Variants in REDIC1 observed in about 807,000 individuals in gnomAD.
The protein encoded by REDIC1 is regulator of DNA class I crossover intermediates 1, also known as HEI10 Interacting Protein 1.
chr12:39,825,826 C>T, the REDIC1 span, among the ~76,000 whole-genome samples: 2 of 152,242 alleles, frequency 1.3e-5, no homozygotes, highest in South Asian at 4.1e-4. Flanking sequence ...GCTAACTCTA[C>T]AGGCTTACTC....
the REDIC1 span, chr12:39,830,335 C>G: frequency 6.8e-6 from 10 of 1,477,378 alleles, no homozygotes; most frequent in South Asian, 1.1e-4. Flanking sequence ...GTGCAGTAAG[C>G]TTGGGGCCTT....
the REDIC1 span, among the ~76,000 whole-genome samples, chr12:39,792,773 C>G: frequency 1.3e-5 from 2 of 149,368 alleles, no homozygotes; most frequent in Non-Finnish European, 3.0e-5. Flanking sequence ...ATTTAGAACC[C>G]ACTGATATGG....
the REDIC1 span, among the ~76,000 whole-genome samples, chr12:39,699,024 A>G: frequency 1.3e-5 from 2 of 152,266 alleles, no homozygotes; most frequent in African/African-American, 4.8e-5. Context: ...AATGAAGCAA[A>G]CAGTACAAAG....
chr12:39,737,180 T>G, the REDIC1 span, among the ~76,000 whole-genome samples: 1 of 152,206 alleles, frequency 6.6e-6, no homozygotes, highest in Non-Finnish European at 1.5e-5. Flanking sequence ...TTAAATGGAT[T>G]GGAGCACAAC....
At chr12:39,758,138 T>C in the REDIC1 span, 9 of 151,750 alleles carry the variant, frequency 5.9e-5, no homozygotes, top group African/African-American at 2.2e-4. Context: ...GGAAATCAAT[T>C]GTTAAAGCAC....
chr12:39,716,970 A>C, the REDIC1 span: 1 of 534,740 alleles, frequency 1.9e-6, no homozygotes. Flanking sequence ...ATAAACAAAA[A>C]GGTAAAAAAT....
chr12:39,749,630 A>G, the REDIC1 span, among the ~76,000 whole-genome samples: 4 of 152,164 alleles, frequency 2.6e-5, no homozygotes, highest in African/African-American at 9.6e-5. Flanking sequence ...AGAATTTTAG[A>G]CCAATATCCC....
the REDIC1 span, among the ~76,000 whole-genome samples, chr12:39,734,156 G>A: frequency 6.6e-6 from 1 of 152,170 alleles, no homozygotes; most frequent in Non-Finnish European, 1.5e-5. Context: ...CCTTGACTAG[G>A]GGAGGGAGTT....
chr12:39,743,660 G>T, the REDIC1 span, among the ~76,000 whole-genome samples: 1 of 152,104 alleles, frequency 6.6e-6, no homozygotes, highest in Non-Finnish European at 1.5e-5. Flanking sequence ...GAATCAGAAG[G>T]GCTGGAGACA....
chr12:39,837,226 A>G, the REDIC1 span, among the ~76,000 whole-genome samples: 1 of 150,974 alleles, frequency 6.6e-6, no homozygotes, highest in Non-Finnish European at 1.5e-5. Flanking sequence ...GCTGAGAAAA[A>G]CAAGCAATGG....
chr12:39,895,463 C>G, the REDIC1 span, among the ~76,000 whole-genome samples: 1 of 131,662 alleles, frequency 7.6e-6, no homozygotes, highest in Non-Finnish European at 1.6e-5. Context: ...GCACTCCAGC[C>G]TGGGCGACAG....
At chr12:39,713,553 T>C in the REDIC1 span, among the ~76,000 whole-genome samples, 309 of 150,246 alleles carry the variant, frequency 2.1e-3, no homozygotes, top group Non-Finnish European at 3.6e-3. Context: ...TATACATGCG[T>C]GCATACATGT....
the REDIC1 span, among the ~76,000 whole-genome samples, chr12:39,763,856 C>T: frequency 2.0e-5 from 3 of 152,204 alleles, no homozygotes; most frequent in South Asian, 4.1e-4. Flanking sequence ...GAATTATGGC[C>T]TCCATACATT....
the REDIC1 span, among the ~76,000 whole-genome samples, chr12:39,652,628 C>T: frequency 6.6e-6 from 1 of 151,954 alleles, no homozygotes; most frequent in South Asian, 2.1e-4. Context: ...ATTTATTGTG[C>T]TTATGGTGTC....
chr12:39,733,680 T>C, the REDIC1 span, among the ~76,000 whole-genome samples: 8 of 152,186 alleles, frequency 5.3e-5, no homozygotes, highest in Non-Finnish European at 1.5e-5. Flanking sequence ...AGTTCAAACT[T>C]TCCTGTGGCT....
At chr12:39,820,701 G>A in the REDIC1 span, among the ~76,000 whole-genome samples, 1 of 65,798 alleles carries the variant, frequency 1.5e-5, no homozygotes, top group Non-Finnish European at 3.0e-5. Flanking sequence ...ATAATCTTCG[G>A]CTTAAATTTT....
At chr12:39,712,323 CA>C in the REDIC1 span, among the ~76,000 whole-genome samples, 1 of 125,830 alleles carries the variant, frequency 7.9e-6, no homozygotes, top group Non-Finnish European at 1.7e-5. Context: ...TGTATATATA[CA>C]TATGTTTATA....
At chr12:39,748,701 G>A in the REDIC1 span, among the ~76,000 whole-genome samples, 3 of 152,198 alleles carry the variant, frequency 2.0e-5, no homozygotes, top group Non-Finnish European at 4.4e-5. Context: ...TAAAAGAACA[G>A]AAACTATAAC....
At chr12:39,715,842 G>A in the REDIC1 span, among the ~76,000 whole-genome samples, 3 of 151,842 alleles carry the variant, frequency 2.0e-5, no homozygotes, top group African/African-American at 7.3e-5. Context: ...AACCTTATTG[G>A]GGTGAAATGC....
Sources: gnomAD v4.1 joint callset for allele counts (sites outside exome capture counted in the v4.1 genomes callset) on GRCh38, gnomAD v4.1.1 for gene constraint, MANE v1.5 for transcripts, NCBI Gene and HGNC (gene_info 2026-07-23, HGNC 2026-07-21) for gene names.